UBFD1: variants seen among roughly 807,000 people sequenced by gnomAD.
The protein encoded by UBFD1 is ubiquitin domain-containing protein UBFD1.
UBFD1 carries 12 observed loss-of-function variants against 35.1 expected under a neutral mutation model. The observed-to-expected ratio is 0.34, with a 90% CI of 0.22 to 0.55. UBFD1 has a LOEUF of 0.55. Among genes scored for constraint, UBFD1 ranks in the 20% least tolerant of loss-of-function variants. UBFD1 has a pLI of 0.89. For missense variants in UBFD1, 337 were observed against 410.8 expected (o/e 0.82, Z 1.55); for synonymous variants, 178 against 167.6 (o/e 1.06, Z -0.48).
intron 2 of UBFD1, 77 bp from the exon 3 acceptor site, chr16:23,559,391 A>G (rs1160523678): frequency 1.6e-5 from 22 of 1,333,738 alleles, no homozygotes; most frequent in Non-Finnish European, 2.1e-5. Flanking sequence ...TTGGTCTGTT[A>G]CCAAAGAGCT....
rs1269531432 is a variant in UBFD1, at chr16:23,558,019, A to G, written c.95A>G (p.Asn32Ser). The G allele has an allele frequency of 8.1e-6, 11 of 1,358,410 alleles. No homozygotes were observed. Among genetic ancestry groups the G allele is most frequent in the Non-Finnish European group, 1.0e-5 (11 of 1,059,720 alleles). The allele number at this position is 1,358,410 out of a possible 1,614,324, so 84.1% of individuals were successfully genotyped here. The change falls in exon 2 of 7, where the codon AAC (asparagine) becomes AGC (serine). Residue 32 changes from asparagine (N) to serine (S), a missense_variant. Asn to Ser is a conservative substitution (Grantham distance 46, BLOSUM62 1). Coordinates refer to ENST00000395878, the MANE Select transcript of UBFD1 (RefSeq NM_019116.3). ...ACTGAGGCTCCCGCGCGGCCCGTCAACTGCCTGGAGGCTGAAGCCGCGGCG... is the reference window on the plus strand; with the variant it reads ...ACTGAGGCTCCCGCGCGGCCCGTCAGCTGCCTGGAGGCTGAAGCCGCGGCG... Reference protein sequence around the residue: ...VATEAPARPVNCLEAEAAAGA... With the variant: ...VATEAPARPVSCLEAEAAAGA...
chr16:23,561,823 ATTTT>A (rs5816219), intron 3 of UBFD1: 11 of 142,676 alleles, frequency 7.7e-5, no homozygotes, highest in East Asian at 2.0e-4. Context: ...TTCAGTGGTG[ATTTT>A]TTTTTTTTTT....
chr16:23,570,391 C>A, intron 6 of UBFD1, 89 bp from the exon 7 acceptor site: 1 of 920,870 alleles, frequency 1.1e-6, no homozygotes, highest in Non-Finnish European at 1.7e-6. Flanking sequence ...TTTTAATTAA[C>A]TCACATCCCA....
chr16:23,566,361 T>G (rs1966010808), intron 5 of UBFD1: 1 of 152,116 alleles, frequency 6.6e-6, no homozygotes, highest in Admixed American at 6.6e-5. Flanking sequence ...ATTTATTTAT[T>G]TTATATTTTT....
At position 23,567,064 on chromosome 16, in the gene UBFD1, A is replaced by G; in HGVS notation, c.814A>G (p.Met272Val). The stretch of plus-strand genomic sequence containing the variant: ...TATCGAAGGACATGAAGACTACCAC[A>G]TGATGGTAAGTAGCGCTGGCTGAGT... Reference protein sequence around the residue: ...EPIEGHEDYHMMAFQLGPTEA... With the variant: ...EPIEGHEDYHVMAFQLGPTEA... The change falls in exon 6 of 7, where the codon ATG becomes GTG. Residue 272 changes from methionine (M) to valine (V), a missense_variant. Around this residue, in one of 4 missense-constraint regions of UBFD1, gnomAD observed 71 missense variants for 149.6 expected, o/e 0.47. Transcript: ENST00000395878. The G allele has an allele frequency of 6.2e-7, 1 of 1,614,098 alleles. No individual in the cohort carries two copies. The highest frequency in any genetic ancestry group is 8.5e-7 in the Non-Finnish European group (1 of 1,180,000).
chr16:23,565,769 ACT>A (rs1966001096), intron 5 of UBFD1: 1 of 151,444 alleles, frequency 6.6e-6, no homozygotes, highest in African/African-American at 2.4e-5. Context: ...CTATTTTTAG[ACT>A]CTATCTTTCC....
chr16:23,562,476 C>T (rs1965950585), intron 4 of UBFD1, 149 bp from the exon 5 acceptor site: 3 of 807,424 alleles, frequency 3.7e-6, no homozygotes, highest in Admixed American at 2.8e-5. Context: ...CCATGTTGCC[C>T]AGGCTAGTCT....
rs768474983 is a variant in UBFD1, at chr16:23,562,282, T to G, written c.630+11T>G. 23 of 1,613,332 alleles carry G rather than the reference T, an allele frequency of 1.4e-5. No individual in the cohort carries two copies. Among genetic ancestry groups the G allele is most frequent in the Non-Finnish European group, 1.9e-5 (22 of 1,179,734 alleles). Reference sequence around the variant, plus strand: ...GTTAAGGGGGCCCAGGTAAGGCGGATTTCTTTGTGAGCATTCTGAAAATGA... The same window carrying G: ...GTTAAGGGGGCCCAGGTAAGGCGGAGTTCTTTGTGAGCATTCTGAAAATGA... On this transcript the variant is annotated intron_variant, in intron 4 of 6. Transcript: ENST00000395878.
rs57903553 is a variant in UBFD1 at position 23,570,948 on chromosome 16, TA to T, written c.*371del. ...GAATGATCAAAAGCTTTGTTTTTTT[TA>T]AAAAAAAAAAAAGCAGTTTCAATTG... On this transcript the variant is annotated 3_prime_UTR_variant, in exon 7 of 7. Transcript: ENST00000395878. 58,429 of 138,526 alleles carry T rather than the reference TA, an allele frequency of 0.42. 11,465 individuals carry two copies. The highest frequency in any genetic ancestry group is 0.47 in the East Asian group (2,115 of 4,540). 8.6% of individuals were successfully genotyped at this position (138,526 alleles called of 1,614,324 possible). A position where few individuals can be genotyped will look rare whatever the true frequency, so the allele number is the denominator to read the frequency against.
At position 23,562,787 on chromosome 16, in the gene UBFD1, A is replaced by G. The variant is rs1429035732; in HGVS notation, c.736+57A>G. The G allele has an allele frequency of 1.8e-5, 27 of 1,473,206 alleles. No homozygotes were observed. In the Admixed American group the frequency reaches 4.4e-4, roughly 24 times the overall value. 91.3% of individuals were successfully genotyped at this position (1,473,206 alleles called of 1,614,324 possible). On this transcript the variant is annotated intron_variant, in intron 5 of 6. Transcript: ENST00000395878. ...CTGCCTGCCTCTGGCACCCAGCAGC[A>G]CTCACATTTTAGAGTGCGATTTCAC...
At chr16:23,561,898 G>T in intron 3 of UBFD1, 1 of 251,644 alleles carries the variant, frequency 4.0e-6, no homozygotes, top group Middle Eastern at 1.2e-3. Context: ...TATCTAATAT[G>T]GTAGCTATCC....
At chr16:23,568,437 C>T (rs1007376930) in intron 6 of UBFD1, among the ~76,000 whole-genome samples, 11 of 150,960 alleles carry the variant, frequency 7.3e-5, no homozygotes, top group African/African-American at 1.5e-4. Flanking sequence ...GGGTTACAGG[C>T]GTGAGCCTCC....
chr16:23,559,462 C>T lies in UBFD1; in HGVS notation c.356-6C>T, dbSNP rs1965896352. On this transcript the variant is annotated splice_polypyrimidine_tract_variant and splice_region_variant and intron_variant, in intron 2 of 6. Transcript: ENST00000395878. ...TTTCACTGTCCACCTTCTACCTTTT[C>T]CCAAGGTCTCCCGCCTGCCATGCAG... 1 of 1,612,280 alleles carries T rather than the reference C, an allele frequency of 6.2e-7. No homozygotes were observed. The highest frequency in any genetic ancestry group is 1.7e-5 in the Admixed American group (1 of 59,830).
intron 6 of UBFD1, among the ~76,000 whole-genome samples, chr16:23,568,146 C>G (rs1317537221): frequency 6.7e-6 from 1 of 150,312 alleles, no homozygotes; most frequent in Non-Finnish European, 1.5e-5. Context: ...CACCCCTACT[C>G]TCTCTGTAGT....
At chr16:23,558,874 A>G (rs1965877822) in intron 2 of UBFD1, among the ~76,000 whole-genome samples, 1 of 149,942 alleles carries the variant, frequency 6.7e-6, no homozygotes. Context: ...TCCGCCTCCC[A>G]GGTTCAAGCG....
At chr16:23,562,597 A>C in intron 4 of UBFD1, 28 bp from the exon 5 acceptor site, 2 of 1,606,092 alleles carry the variant, frequency 1.2e-6, no homozygotes, top group South Asian at 1.1e-5. Context: ...CTGTCCCTCC[A>C]TCTCTTACCA....
At chr16:23,565,477 C>G (rs963966594) in intron 5 of UBFD1, 1 of 152,108 alleles carries the variant, frequency 6.6e-6, no homozygotes, top group South Asian at 2.1e-4. Flanking sequence ...TCAAGAGAAG[C>G]CAGAAATCTG....
chr16:23,569,911 C>T (rs115475516), intron 6 of UBFD1, among the ~76,000 whole-genome samples: 210 of 152,306 alleles, frequency 1.4e-3, no homozygotes, highest in African/African-American at 4.9e-3. Flanking sequence ...ACTGTAGATC[C>T]ATATGGACCC....
chr16:23,566,757 C>A, intron 5 of UBFD1: 2 of 482,062 alleles, frequency 4.1e-6, no homozygotes, highest in South Asian at 3.3e-5. Flanking sequence ...TTTACTATAC[C>A]ATTGCCAAAC....
Sources: allele counts gnomAD v4.1 joint callset (sites outside exome capture counted in the v4.1 genomes callset), GRCh38; gene constraint gnomAD v4.1.1; regional missense constraint gnomAD v4.1.1; transcripts MANE v1.5; gene names NCBI Gene and HGNC (gene_info 2026-07-23, HGNC 2026-07-21).